The following MYRIP variants were observed in gnomAD, a reference collection of about 807,000 sequenced individuals.
MYRIP encodes rab effector MyRIP.
In MYRIP, 49 loss-of-function variants were observed where a neutral mutation model predicts 98.0. That is an observed-to-expected ratio of 0.50 (90% confidence interval 0.40 to 0.63). The LOEUF (loss-of-function observed/expected upper bound fraction) is 0.63, where lower values mean the gene tolerates loss of function less well. Among genes scored for constraint, MYRIP ranks in the 30% least tolerant of loss-of-function variants. The pLI, the probability that MYRIP is intolerant of heterozygous loss-of-function variation, is 0.00. For missense variants in MYRIP, 1,004 were observed against 1,058.2 expected (o/e 0.95, Z 0.71); for synonymous variants, 404 against 409.5 (o/e 0.99, Z 0.16).
chr3:40,216,412 C>T (rs1443524663), intron 11 of MYRIP, among the ~76,000 whole-genome samples: 1 of 152,092 alleles, frequency 6.6e-6, no homozygotes, highest in Non-Finnish European at 1.5e-5. Context: ...CAAGATTGTG[C>T]TCTTGGAAAA....
At chr3:39,886,435 A>G (rs573559376) in intron 1 of MYRIP, among the ~76,000 whole-genome samples, 1 of 149,224 alleles carries the variant, frequency 6.7e-6, no homozygotes. Context: ...TGCTGTATTC[A>G]GGAAACCCAT....
chr3:39,939,785 C>T (rs1190651830), intron 2 of MYRIP, among the ~76,000 whole-genome samples: 3 of 152,032 alleles, frequency 2.0e-5, no homozygotes, highest in African/African-American at 7.2e-5. Context: ...GATTTAATGG[C>T]AGGATAATCT....
intron 1 of MYRIP, among the ~76,000 whole-genome samples, chr3:39,867,696 T>C (rs1317588177): frequency 6.6e-6 from 1 of 152,196 alleles, no homozygotes; most frequent in East Asian, 1.9e-4. Context: ...TGCACTGTTA[T>C]TGGAAATGTA....
intron 2 of MYRIP, among the ~76,000 whole-genome samples, chr3:40,011,374 A>C (rs902409409): frequency 6.6e-6 from 1 of 152,122 alleles, no homozygotes; most frequent in Non-Finnish European, 1.5e-5. Flanking sequence ...CCCTCTTTCT[A>C]TTCCTTCTTT....
At chr3:39,820,445 C>T (rs1941071040) in intron 1 of MYRIP, among the ~76,000 whole-genome samples, 1 of 152,122 alleles carries the variant, frequency 6.6e-6, no homozygotes, top group African/African-American at 2.4e-5. Flanking sequence ...GTTCCTAAAA[C>T]CTTTCTGACT....
intron 3 of MYRIP, among the ~76,000 whole-genome samples, chr3:40,128,942 A>C (rs553790014): frequency 2.4e-4 from 36 of 152,240 alleles, no homozygotes; most frequent in African/African-American, 8.7e-4. Context: ...ATTTGTATCA[A>C]TAGTATTATT....
At chr3:40,145,242 AATAAG>A (rs1229340221) in intron 3 of MYRIP, among the ~76,000 whole-genome samples, 1 of 152,220 alleles carries the variant, frequency 6.6e-6, no homozygotes, top group East Asian at 1.9e-4. Context: ...GTGAGAATTA[AATAAG>A]ATAATGCAAG....
intron 1 of MYRIP, among the ~76,000 whole-genome samples, chr3:39,898,543 C>T (rs1452621099): frequency 6.6e-6 from 1 of 152,020 alleles, no homozygotes; most frequent in Non-Finnish European, 1.5e-5. Context: ...GATTTTAAAA[C>T]CTGAGGTTTT....
intron 1 of MYRIP, among the ~76,000 whole-genome samples, chr3:39,824,708 G>GA (rs916323126): frequency 2.1e-5 from 3 of 144,740 alleles, no homozygotes; most frequent in African/African-American, 7.5e-5. Context: ...CCGACTGATC[G>GA]TTTTTTTTTT....
At chr3:39,844,340 G>A (rs1050863717) in intron 1 of MYRIP, among the ~76,000 whole-genome samples, 5 of 152,154 alleles carry the variant, frequency 3.3e-5, no homozygotes, top group African/African-American at 1.2e-4. Context: ...ACCCTGAGTG[G>A]GACTGTCATG....
At chr3:39,946,762 A>G (rs1944913128) in intron 2 of MYRIP, among the ~76,000 whole-genome samples, 1 of 152,182 alleles carries the variant, frequency 6.6e-6, no homozygotes, top group Non-Finnish European at 1.5e-5. Flanking sequence ...GCCTGAGCAG[A>G]CGATCCAGAT....
chr3:39,940,840 A>G (rs1468842385), intron 2 of MYRIP, among the ~76,000 whole-genome samples: 1 of 152,192 alleles, frequency 6.6e-6, no homozygotes, highest in African/African-American at 2.4e-5. Flanking sequence ...AACTAGGAAA[A>G]GGACATAGAA....
intron 3 of MYRIP, among the ~76,000 whole-genome samples, chr3:40,051,260 C>T (rs1363795181): frequency 6.6e-6 from 1 of 152,102 alleles, no homozygotes; most frequent in Non-Finnish European, 1.5e-5. Context: ...GCCAAAGCCA[C>T]CCCAAACCTC....
chr3:39,906,753 C>T (rs1943888896), intron 2 of MYRIP, among the ~76,000 whole-genome samples: 1 of 152,174 alleles, frequency 6.6e-6, no homozygotes, highest in Non-Finnish European at 1.5e-5. Context: ...GTGGGGCCCT[C>T]AGCTGGGATC....
At chr3:40,040,985 A>AAG (rs1559376491) in intron 2 of MYRIP, among the ~76,000 whole-genome samples, 1 of 95,480 alleles carries the variant, frequency 1.0e-5, no homozygotes, top group East Asian at 2.6e-4. Context: ...GTATAATAAA[A>AAG]AAAAAAAAGA....
At chr3:39,995,136 C>T (rs1316719314) in intron 2 of MYRIP, among the ~76,000 whole-genome samples, 4 of 152,178 alleles carry the variant, frequency 2.6e-5, no homozygotes, top group Admixed American at 6.5e-5. Context: ...AGTGCCTCTC[C>T]TCCTCCAAAG....
intron 2 of MYRIP, among the ~76,000 whole-genome samples, chr3:39,944,110 T>C (rs1944848913): frequency 6.6e-6 from 1 of 152,180 alleles, no homozygotes; most frequent in Non-Finnish European, 1.5e-5. Flanking sequence ...TATTGTAGGC[T>C]CATACATTAC....
chr3:40,188,178 T>C (rs1425887918), intron 9 of MYRIP, among the ~76,000 whole-genome samples: 2 of 152,214 alleles, frequency 1.3e-5, no homozygotes, highest in Non-Finnish European at 2.9e-5. Flanking sequence ...TGAATTCCCC[T>C]AAGGCTGTGG....
chr3:39,873,382 C>G (rs1227137214), intron 1 of MYRIP, among the ~76,000 whole-genome samples: 1 of 152,118 alleles, frequency 6.6e-6, no homozygotes, highest in African/African-American at 2.4e-5. Context: ...GTTGCCATTG[C>G]TTTTGGTGTT....
Sources: allele counts gnomAD v4.1 joint callset (sites outside exome capture counted in the v4.1 genomes callset), GRCh38; gene constraint gnomAD v4.1.1; transcripts MANE v1.5; gene names NCBI Gene and HGNC (gene_info 2026-07-23, HGNC 2026-07-21).